WWP1: variants seen among roughly 807,000 people sequenced by gnomAD.
WWP1 encodes NEDD4-like E3 ubiquitin-protein ligase WWP1.
In WWP1, 49 loss-of-function variants were observed where a neutral mutation model predicts 130.6. That is an observed-to-expected ratio of 0.38 (90% CI 0.30 to 0.48). WWP1 has a LOEUF of 0.48. Among genes scored for constraint, WWP1 ranks in the 20% least tolerant of loss-of-function variants. WWP1 has a pLI of 0.99. For missense variants in WWP1, 809 were observed against 1,100.6 expected, an observed-to-expected ratio of 0.74 and a Z score of 3.75; for synonymous variants, 332 against 367.8, an observed-to-expected ratio of 0.90 and a Z score of 1.11.
intron 8 of WWP1, among the ~76,000 whole-genome samples, chr8:86,409,247 T>G: frequency 6.9e-6 from 1 of 145,164 alleles, no homozygotes; most frequent in Non-Finnish European, 1.5e-5. Context: ...TTTTTTTTTT[T>G]TCTTCAGACG....
intron 5 of WWP1, among the ~76,000 whole-genome samples, chr8:86,394,006 CCT>C (rs1168190154): frequency 1.3e-5 from 2 of 152,240 alleles, no homozygotes; most frequent in East Asian, 3.8e-4. Context: ...ACTGAGGTCT[CCT>C]CTCAGCAGCC....
At chr8:86,375,822 A>G (rs902617868) in intron 3 of WWP1, among the ~76,000 whole-genome samples, 1 of 152,102 alleles carries the variant, frequency 6.6e-6, no homozygotes, top group Non-Finnish European at 1.5e-5. Context: ...GACACATGTA[A>G]TTTTGCCAGG....
At chr8:86,347,805 C>A (rs1324015347) in intron 1 of WWP1, among the ~76,000 whole-genome samples, 3 of 152,076 alleles carry the variant, frequency 2.0e-5, no homozygotes, top group Non-Finnish European at 4.4e-5. Context: ...CAAAAATTTA[C>A]ATTTTTTGAG....
chr8:86,458,749 C>G (rs7461413), intron 22 of WWP1, among the ~76,000 whole-genome samples: 40,999 of 151,904 alleles, frequency 0.27, 6,396 homozygotes, highest in East Asian at 0.53. Context: ...AGTACACTTT[C>G]CAAAAGTTGC....
intron 17 of WWP1, chr8:86,440,538 G>A: frequency 2.9e-6 from 1 of 348,186 alleles, no homozygotes; most frequent in Non-Finnish European, 5.6e-6. Flanking sequence ...CCCCTTGTAA[G>A]AACCTTATTT....
intron 21 of WWP1, among the ~76,000 whole-genome samples, chr8:86,454,341 C>A (rs1811329242): frequency 6.6e-6 from 1 of 151,654 alleles, no homozygotes; most frequent in African/African-American, 2.4e-5. Flanking sequence ...TATTTTCAAT[C>A]TACCATTGGT....
chr8:86,346,430 A>G (rs1400228622), intron 1 of WWP1, among the ~76,000 whole-genome samples: 4 of 152,234 alleles, frequency 2.6e-5, no homozygotes, highest in African/African-American at 7.2e-5. Flanking sequence ...CTCAAAAAAA[A>G]AGAACTTTAT....
rs771409401 is a variant in WWP1, at chr8:86,461,231, A to G, written c.2507A>G (p.Lys836Arg). The G allele has an allele frequency of 1.2e-6, 2 of 1,613,752 alleles. No homozygotes were observed. The highest frequency in any genetic ancestry group is 3.3e-5 in the Admixed American group (2 of 60,020). ...CATTTAATTTCATTACAGTTTGTGA[A>G]AGAGACAGACAATGAAGTAAGAATG... Reference protein sequence around the residue: ...KQIIWFWQFVKETDNEVRMRL... With the variant: ...KQIIWFWQFVRETDNEVRMRL... The change falls in exon 23 of 25, where the codon AAA becomes AGA. Residue 836 changes from lysine to arginine, a missense_variant. This residue lies in a region of WWP1 where 450 missense variants were observed against 674.2 expected (regional missense o/e 0.67). Coordinates refer to ENST00000517970, the MANE Select transcript of WWP1 (RefSeq NM_007013.4).
At position 86,411,535 on chromosome 8, in the gene WWP1, C is replaced by G; in HGVS notation, c.725-3C>G. 6.2e-7 allele frequency: 1 copy of G among 1,606,546 alleles called. No homozygotes were observed. Among genetic ancestry groups the G allele is most frequent in the Non-Finnish European group, 8.5e-7 (1 of 1,175,246 alleles). On this transcript the variant is annotated splice_region_variant and splice_polypyrimidine_tract_variant and intron_variant, in intron 8 of 24. Transcript: ENST00000517970. ...GATGATTTTATTAATTTTCCCTTCT[C>G]AGTTAATGGAGAATCATCCTCATTT...
At chr8:86,402,275 C>T in intron 8 of WWP1, 72 bp downstream of exon 8, 8 of 1,496,768 alleles carry the variant, frequency 5.3e-6, no homozygotes, top group Non-Finnish European at 7.2e-6. Flanking sequence ...TCCATGCCTA[C>T]ACTTCCCTTT....
intron 21 of WWP1, among the ~76,000 whole-genome samples, chr8:86,454,148 C>T (rs1266148633): frequency 6.6e-6 from 1 of 152,018 alleles, no homozygotes; most frequent in Non-Finnish European, 1.5e-5. Context: ...CAAGTCCTTA[C>T]AATTACAGTA....
At chr8:86,403,014 T>C (rs1808084102) in intron 8 of WWP1, among the ~76,000 whole-genome samples, 1 of 152,236 alleles carries the variant, frequency 6.6e-6, no homozygotes, top group Non-Finnish European at 1.5e-5. Context: ...CTAAGGAAGA[T>C]GTCCTCTATA....
chr8:86,468,290 T>C lies in WWP1; in HGVS notation c.*1397T>C, dbSNP rs1345182489. On this transcript the variant is annotated 3_prime_UTR_variant, in exon 25 of 25. Coordinates refer to ENST00000517970, the MANE Select transcript of WWP1 (RefSeq NM_007013.4). ...ATTATTGTTTTGCCAAAATTTTATT[T>C]TTCTACATATTGAGAGTGTGTTCTC... 7.4e-6 allele frequency: 3 copies of C among 404,384 alleles called. No homozygotes were observed. The highest frequency in any genetic ancestry group is 2.1e-5 in the African/African-American group (1 of 47,196). The allele number at this position is 404,384 out of a possible 1,614,324, so 25.0% of individuals were successfully genotyped here. A position where few individuals can be genotyped will look rare whatever the true frequency, so the allele number is the denominator to read the frequency against.
chr8:86,388,981 C>T (rs1031858994), intron 5 of WWP1, among the ~76,000 whole-genome samples: 1 of 152,082 alleles, frequency 6.6e-6, no homozygotes, highest in Non-Finnish European at 1.5e-5. Context: ...CAAAGCTTCC[C>T]ATCTTCCAAG....
chr8:86,423,179 A>G (rs1425373478), intron 9 of WWP1, among the ~76,000 whole-genome samples: 1 of 151,656 alleles, frequency 6.6e-6, no homozygotes, highest in Non-Finnish European at 1.5e-5. Context: ...GATAAATATC[A>G]AATGTCAGAA....
chr8:86,461,452 G>T, intron 23 of WWP1, 132 bp downstream of exon 23: 1 of 778,924 alleles, frequency 1.3e-6, no homozygotes, highest in Non-Finnish European at 2.1e-6. Flanking sequence ...TTAGAAGAAA[G>T]AAAAATGAGT....
At chr8:86,370,804 T>C (rs4961188) in intron 2 of WWP1, among the ~76,000 whole-genome samples, 108,241 of 148,470 alleles carry the variant, frequency 0.73, 40,322 homozygotes, top group African/African-American at 0.83. Context: ...TTCTACTTAC[T>C]TGTTCTTTTT....
chr8:86,400,083 T>A (rs1395494635), intron 7 of WWP1, among the ~76,000 whole-genome samples: 1 of 151,902 alleles, frequency 6.6e-6, no homozygotes, highest in African/African-American at 2.4e-5. Flanking sequence ...GTAATCCCAG[T>A]ACTTTGGGAG....
Position 86,381,567 on chromosome 8 carries a change from A to T in WWP1, c.272A>T (p.Asp91Val). The T allele has an allele frequency of 6.8e-6, 11 of 1,610,828 alleles. No individual in the cohort carries two copies. The highest frequency in any genetic ancestry group is 9.3e-6 in the Non-Finnish European group (11 of 1,179,226). The change falls in exon 5 of 25, where the codon GAT becomes GTT. Residue 91 changes from aspartate (D) to valine (V), a missense_variant. Around this residue, in one of 3 missense-constraint regions of WWP1, gnomAD observed 262 missense variants for 346.0 expected, o/e 0.76. Transcript: ENST00000517970. ...QVWSHRTLKA[D>V]ALLGKATIDL... is the part of the protein sequence containing the mutation. Reference sequence around the variant, plus strand: ...TGGAGCCATCGCACTTTAAAAGCAGATGCTTTATTAGGAAAAGCAACGATA... The same window carrying T: ...TGGAGCCATCGCACTTTAAAAGCAGTTGCTTTATTAGGAAAAGCAACGATA...
Sources: gnomAD v4.1 joint callset for allele counts (sites outside exome capture counted in the v4.1 genomes callset) on GRCh38, gnomAD v4.1.1 for gene constraint, gnomAD v4.1.1 regional missense constraint, MANE v1.5 for transcripts, NCBI Gene and HGNC (gene_info 2026-07-23, HGNC 2026-07-21) for gene names.